Variants in PLCG2 observed in about 807,000 individuals in gnomAD.
PLCG2 encodes the protein 1-phosphatidylinositol 4,5-bisphosphate phosphodiesterase gamma-2.
A neutral mutation model predicts 175.6 loss-of-function variants in PLCG2; 69 were observed. That is an observed-to-expected ratio of 0.39 (90% CI 0.32 to 0.48). PLCG2 has a LOEUF of 0.48. Ranked by LOEUF, PLCG2 falls within the 20% of genes least tolerant of loss-of-function variation. PLCG2 has a pLI of 0.91. For synonymous variants in PLCG2, 827 were observed against 624.0 expected, an observed-to-expected ratio of 1.33 and a Z score of -4.85; for missense variants, 1,798 against 1,650.9, an observed-to-expected ratio of 1.09 and a Z score of -1.54.
chr16:81,942,554 C>T (rs1461990976), intron 30 of PLCG2, among the ~76,000 whole-genome samples: 1 of 152,206 alleles, frequency 6.6e-6, no homozygotes, highest in African/African-American at 2.4e-5. Flanking sequence ...TGCACTGAAG[C>T]TTTTAAACCA....
chr16:81,772,996 C>T (rs1910316674), intron 2 of PLCG2, among the ~76,000 whole-genome samples: 1 of 151,988 alleles, frequency 6.6e-6, no homozygotes, highest in African/African-American at 2.4e-5. Flanking sequence ...CGACAGCTGC[C>T]CTGTTTGGCC....
intron 2 of PLCG2, among the ~76,000 whole-genome samples, chr16:81,849,101 G>T (rs191397959): frequency 7.9e-4 from 121 of 152,290 alleles, no homozygotes; most frequent in Admixed American, 2.2e-3. Context: ...GCCACGTGGG[G>T]TTGGAGGGGT....
In PLCG2 at chr16:81,830,461, C is replaced by T. The variant is rs1052129764; in HGVS notation, c.194-23983C>T. ...AGCTGGGATTATAGGCGCATGCCAC[C>T]ACCACTGGCTAATTTTTGTATTTTT... On this transcript the variant is annotated intron_variant, in intron 2 of 32. Coordinates refer to ENST00000564138, the MANE Select transcript of PLCG2 (RefSeq NM_002661.5). Among the ~76,000 whole-genome samples, 12 of 152,160 alleles carry T rather than the reference C, an allele frequency of 7.9e-5. 2 individuals are homozygous for T. The highest frequency in any genetic ancestry group is 2.9e-4 in the African/African-American group (12 of 41,526).
At chr16:81,842,411 A>C (rs1304126802) in intron 2 of PLCG2, among the ~76,000 whole-genome samples, 1 of 152,186 alleles carries the variant, frequency 6.6e-6, no homozygotes, top group Non-Finnish European at 1.5e-5. Flanking sequence ...GTCTGAGGGC[A>C]GGACTGTGTC....
chr16:81,857,424 G>A (rs1191727016), intron 3 of PLCG2, among the ~76,000 whole-genome samples: 1 of 152,142 alleles, frequency 6.6e-6, no homozygotes, highest in Non-Finnish European at 1.5e-5. Context: ...AGTGTGCTCT[G>A]GCTACTGTAA....
At chr16:81,895,994 GGACA>G in intron 13 of PLCG2, 67 bp downstream of exon 13, 1 of 1,586,020 alleles carries the variant, frequency 6.3e-7, no homozygotes, top group African/African-American at 1.3e-5. Context: ...ATAGACAGAT[GGACA>G]GACAGGCAAA....
chr16:81,932,530 G>A (rs189508381), intron 25 of PLCG2, among the ~76,000 whole-genome samples: 48 of 152,258 alleles, frequency 3.2e-4, no homozygotes, highest in African/African-American at 1.1e-3. Flanking sequence ...AGCCTTCCTG[G>A]GGCCTCTTGT....
At chr16:81,955,810 G>C (rs1911544053) in intron 31 of PLCG2, among the ~76,000 whole-genome samples, 2 of 152,344 alleles carry the variant, frequency 1.3e-5, no homozygotes, top group South Asian at 2.1e-4. Flanking sequence ...GGTGGGGGAA[G>C]TAGAAATCAT....
chr16:81,950,726 G>C (rs1356010802), intron 31 of PLCG2, among the ~76,000 whole-genome samples: 4 of 152,154 alleles, frequency 2.6e-5, no homozygotes, highest in African/African-American at 9.7e-5. Flanking sequence ...ACAATTTGAA[G>C]ATAATAATTT....
intron 9 of PLCG2, among the ~76,000 whole-genome samples, chr16:81,885,125 C>G (rs1908293684): frequency 6.6e-6 from 1 of 151,326 alleles, no homozygotes; most frequent in Non-Finnish European, 1.5e-5. Context: ...GTCCCATGTT[C>G]AAGTGATTCT....
chr16:81,861,132 A>C (rs1906960607), intron 5 of PLCG2, among the ~76,000 whole-genome samples: 2 of 152,186 alleles, frequency 1.3e-5, no homozygotes, highest in African/African-American at 2.4e-5. Flanking sequence ...TGAGCTCTTC[A>C]GTCCTTGTCT....
rs146514016 is a variant in PLCG2 at position 81,863,058 on chromosome 16, A to T, written c.479+3895A>T. On this transcript the variant is annotated intron_variant, in intron 5 of 32. Transcript: ENST00000564138. ...GGTAACAACAATGAAACATAGAACA[A>T]CATTGATCATTTTAACCGTTCTTAG... Among the ~76,000 whole-genome samples the T allele has an allele frequency of 2.2e-4, 33 of 152,360 alleles. No individual in the cohort carries two copies. In the East Asian group the frequency reaches 6.2e-3, roughly 28 times the overall value.
At chr16:81,837,167 C>T (rs571260995) in intron 2 of PLCG2, among the ~76,000 whole-genome samples, 63 of 152,278 alleles carry the variant, frequency 4.1e-4, no homozygotes, top group African/African-American at 1.3e-3. Context: ...ACTCAAAGAA[C>T]GAGAATACAT....
chr16:81,878,965 T>C (rs947226100), intron 7 of PLCG2, among the ~76,000 whole-genome samples: 1 of 151,814 alleles, frequency 6.6e-6, no homozygotes, highest in Non-Finnish European at 1.5e-5. Flanking sequence ...ACAAGCAGAG[T>C]GTCCGGGCAG....
chr16:81,886,085 G>T (rs1035339474), intron 9 of PLCG2, among the ~76,000 whole-genome samples: 13 of 152,174 alleles, frequency 8.5e-5, no homozygotes, highest in Non-Finnish European at 1.8e-4. Context: ...AGTTTAGTAG[G>T]GAACGATTAA....
intron 9 of PLCG2, among the ~76,000 whole-genome samples, chr16:81,886,385 G>C (rs141935868): frequency 1.3e-5 from 2 of 152,194 alleles, no homozygotes; most frequent in African/African-American, 4.8e-5. Flanking sequence ...AATAATCACT[G>C]CAGCACTTTG....
At chr16:81,798,626 G>T (rs548824078) in intron 2 of PLCG2, 1 of 152,582 alleles carries the variant, frequency 6.6e-6, no homozygotes, top group African/African-American at 2.4e-5. Flanking sequence ...AGTTGTGCTG[G>T]AGGCCAGGGG....
rs753905730 is a variant in PLCG2, at chr16:81,934,404, A to T, written c.2740-25A>T. ...AAGATGGGATTTCTCGGGGGCGGGCACTAAAGACAGTGAACTCCAAACAGG... is the reference window on the plus strand; with the variant it reads ...AAGATGGGATTTCTCGGGGGCGGGCTCTAAAGACAGTGAACTCCAAACAGG... On this transcript the variant is annotated intron_variant, in intron 25 of 32. Coordinates refer to ENST00000564138, the MANE Select transcript of PLCG2 (RefSeq NM_002661.5). 2.1e-6 allele frequency: 3 copies of T among 1,453,734 alleles called. No homozygotes were observed. In the South Asian group the frequency reaches 3.4e-5, roughly 17 times the overall value. 90.1% of individuals were successfully genotyped at this position (1,453,734 alleles called of 1,614,324 possible).
intron 17 of PLCG2, among the ~76,000 whole-genome samples, chr16:81,909,990 T>C (rs1027427304): frequency 3.2e-5 from 4 of 126,064 alleles, no homozygotes; most frequent in African/African-American, 8.8e-5. Context: ...AGCAGTTATA[T>C]ATATAAAAGG....
Sources: allele counts gnomAD v4.1 joint callset (sites outside exome capture counted in the v4.1 genomes callset), GRCh38; gene constraint gnomAD v4.1.1; transcripts MANE v1.5; gene names NCBI Gene and HGNC (gene_info 2026-07-23, HGNC 2026-07-21).